CCSER2: variants seen among roughly 807,000 people sequenced by gnomAD.
CCSER2 encodes serine-rich coiled-coil domain-containing protein 2.
Under a neutral mutation model 92.3 loss-of-function variants are expected in CCSER2, and 46 were observed. The ratio of observed to expected loss-of-function variants is 0.50; its 90% CI spans 0.39 to 0.64. The LOEUF is 0.64. Among genes scored for constraint, CCSER2 ranks in the 30% least tolerant of loss-of-function variants. The pLI is 0.00. For synonymous variants in CCSER2, 433 were observed against 431.4 expected (o/e 1.00, Z -0.04); for missense variants, 1,244 against 1,238.9 (o/e 1.00, Z -0.06).
chr10:84,368,387 A>G (rs1227618836), intron 1 of CCSER2, among the ~76,000 whole-genome samples: 1 of 152,118 alleles, frequency 6.6e-6, no homozygotes, highest in Non-Finnish European at 1.5e-5. Flanking sequence ...TTCTGCTGAA[A>G]AAAACCACAT....
chr10:84,329,177 G>A (rs1843421040), intron 1 of CCSER2, among the ~76,000 whole-genome samples: 1 of 152,166 alleles, frequency 6.6e-6, no homozygotes, highest in Non-Finnish European at 1.5e-5. Flanking sequence ...GAATGAGTTC[G>A]ATTTTTTTTT....
intron 9 of CCSER2, among the ~76,000 whole-genome samples, chr10:84,503,578 G>C (rs116139932): frequency 6.6e-6 from 1 of 152,268 alleles, no homozygotes; most frequent in African/African-American, 2.4e-5. Flanking sequence ...AGCCTTCCTG[G>C]TAATTCCAAA....
chr10:84,375,549 T>G (rs1206874767), intron 3 of CCSER2, among the ~76,000 whole-genome samples: 1 of 151,386 alleles, frequency 6.6e-6, no homozygotes, highest in African/African-American at 2.4e-5. Context: ...TTTTTTTTTT[T>G]TTGGTGAATT....
intron 3 of CCSER2, chr10:84,389,200 G>A (rs2133250233): frequency 8.0e-6 from 3 of 375,362 alleles, no homozygotes; most frequent in South Asian, 6.9e-5. Flanking sequence ...CACTGTTTAT[G>A]TCATCTATGA....
chr10:84,403,999 C>T (rs148704375), intron 3 of CCSER2, among the ~76,000 whole-genome samples: 339 of 152,290 alleles, frequency 2.2e-3, no homozygotes, highest in African/African-American at 5.7e-3. Flanking sequence ...ACCTTGAATT[C>T]ATTTCTAAAC....
At position 84,371,924 on chromosome 10, in the gene CCSER2, A is replaced by G. The variant is rs756974159; in HGVS notation, c.872A>G (p.Asn291Ser). ...AATGAACATTTGGGGTATGGATTTA[A>G]TAGGCCTTATGCTGCTGGTGGAAAG... ...NGNEHLGYGF[N>S]RPYAAGGKKL... Residue 291 changes from asparagine to serine, a missense_variant, in exon 2 of 10, where the codon AAT becomes AGT. By Grantham distance (46) the Asn-to-Ser change is conservative. Transcript: ENST00000372088. 5.8e-5 allele frequency: 93 copies of G among 1,613,804 alleles called. No individual in the cohort carries two copies. The highest frequency in any genetic ancestry group is 7.3e-5 in the Non-Finnish European group (86 of 1,179,884).
chr10:84,465,404 A>T (rs1002018256), intron 7 of CCSER2, among the ~76,000 whole-genome samples: 1 of 138,396 alleles, frequency 7.2e-6, no homozygotes, highest in African/African-American at 2.7e-5. Flanking sequence ...GGCTCACTGC[A>T]GCCTCGGCCT....
At chr10:84,460,107 T>TTTTTG (rs1846011482) in intron 6 of CCSER2, among the ~76,000 whole-genome samples, 1 of 148,334 alleles carries the variant, frequency 6.7e-6, no homozygotes, top group Admixed American at 6.7e-5. Context: ...TTTTTTTTTT[T>TTTTTG]GAGACAGAGT....
At chr10:84,359,111 A>G (rs1024942840) in intron 1 of CCSER2, among the ~76,000 whole-genome samples, 3 of 152,070 alleles carry the variant, frequency 2.0e-5, no homozygotes, top group Non-Finnish European at 4.4e-5. Context: ...TTTTCAGGAC[A>G]TACACTTTTT....
intron 9 of CCSER2, among the ~76,000 whole-genome samples, chr10:84,478,141 G>A (rs1437457430): frequency 7.2e-5 from 11 of 152,294 alleles, no homozygotes; most frequent in South Asian, 6.2e-4. Flanking sequence ...GACAATAAAA[G>A]TTATGTTTTA....
At chr10:84,345,398 T>G (rs1467423780) in intron 1 of CCSER2, among the ~76,000 whole-genome samples, 1 of 152,314 alleles carries the variant, frequency 6.6e-6, no homozygotes, top group Non-Finnish European at 1.5e-5. Context: ...AAGCATTTAG[T>G]ATTTTGACAT....
intron 3 of CCSER2, among the ~76,000 whole-genome samples, chr10:84,382,656 G>A (rs1840977381): frequency 6.6e-6 from 1 of 152,110 alleles, no homozygotes; most frequent in African/African-American, 2.4e-5. Flanking sequence ...AAATATTTAG[G>A]AGGTGATAAT....
At chr10:84,372,490 G>C in intron 2 of CCSER2, 21 bp downstream of exon 2, 9 of 1,379,030 alleles carry the variant, frequency 6.5e-6, no homozygotes, top group Non-Finnish European at 8.9e-6. Context: ...CTTACCTTAA[G>C]TTTTTTTGCT....
intron 9 of CCSER2, among the ~76,000 whole-genome samples, chr10:84,479,207 T>C (rs1847322472): frequency 1.3e-5 from 2 of 152,214 alleles, no homozygotes; most frequent in Admixed American, 6.5e-5. Flanking sequence ...AAAGTTACTA[T>C]AGGAATCATC....
intron 3 of CCSER2, among the ~76,000 whole-genome samples, chr10:84,377,631 A>T (rs1357663187): frequency 6.6e-6 from 1 of 152,136 alleles, no homozygotes; most frequent in African/African-American, 2.4e-5. Context: ...TTGTATTTCC[A>T]ATTAAATATT....
At chr10:84,415,938 C>T (rs556872781) in intron 3 of CCSER2, among the ~76,000 whole-genome samples, 20 of 152,270 alleles carry the variant, frequency 1.3e-4, no homozygotes, top group Admixed American at 9.8e-4. Context: ...GGATTCAGCT[C>T]CACTCCTAGT....
At chr10:84,362,963 A>G (rs1424194784) in intron 1 of CCSER2, among the ~76,000 whole-genome samples, 1 of 151,392 alleles carries the variant, frequency 6.6e-6, no homozygotes, top group Non-Finnish European at 1.5e-5. Flanking sequence ...CAGCCTCCCA[A>G]GTAGCTAGAA....
intron 6 of CCSER2, among the ~76,000 whole-genome samples, chr10:84,458,718 CAT>C (rs980715064): frequency 2.6e-5 from 4 of 152,176 alleles, no homozygotes; most frequent in Admixed American, 2.0e-4. Flanking sequence ...TATACACACA[CAT>C]ATATTCCTTC....
intron 7 of CCSER2, among the ~76,000 whole-genome samples, chr10:84,465,942 G>A (rs571111718): frequency 6.6e-6 from 1 of 152,222 alleles, no homozygotes; most frequent in African/African-American, 2.4e-5. Context: ...AGTAGAGACG[G>A]GGTTTCACCG....
Sources: allele counts gnomAD v4.1 joint callset (sites outside exome capture counted in the v4.1 genomes callset), GRCh38; gene constraint gnomAD v4.1.1; transcripts MANE v1.5; gene names NCBI Gene and HGNC (gene_info 2026-07-23, HGNC 2026-07-21).